Variants in FOCAD observed in about 807,000 individuals in gnomAD.
FOCAD encodes focadhesin.
A neutral mutation model predicts 225.6 loss-of-function variants in FOCAD; 198 were observed. The observed-to-expected ratio is 0.88, with a 90% confidence interval of 0.78 to 0.99. The LOEUF (loss-of-function observed/expected upper bound fraction) is 0.99. Ranked by LOEUF, FOCAD falls within the 50% of genes least tolerant of loss-of-function variation. The probability of loss-of-function intolerance (pLI) is 0.00; values close to 1 mark genes in which losing one functional copy is unlikely to be tolerated. For synonymous variants in FOCAD, 897 were observed against 755.0 expected, an observed-to-expected ratio of 1.19 and a Z score of -3.08; for missense variants, 2,713 against 2,123.6, an observed-to-expected ratio of 1.28 and a Z score of -5.46.
At chr9:20,750,379 T>C (rs1828435909) in intron 5 of FOCAD, among the ~76,000 whole-genome samples, 2 of 152,204 alleles carry the variant, frequency 1.3e-5, no homozygotes, top group East Asian at 3.8e-4. Context: ...ATCATAATTG[T>C]ACCCACTTAT....
intron 28 of FOCAD, among the ~76,000 whole-genome samples, chr9:20,943,327 G>A (rs749818397): frequency 2.0e-5 from 3 of 152,170 alleles, no homozygotes; most frequent in South Asian, 2.1e-4. Context: ...ATGGCTGATC[G>A]TTATGCAACA....
At chr9:20,659,259 T>C (rs115173970) in intron 2 of FOCAD, among the ~76,000 whole-genome samples, 1,472 of 122,536 alleles carry the variant, frequency 0.012, 34 homozygotes, top group African/African-American at 0.044. Flanking sequence ...AAAAGAAAGT[T>C]AGCCTGGCAT....
At chr9:20,789,759 T>C in intron 11 of FOCAD, 151 bp downstream of exon 11, 1 of 939,784 alleles carries the variant, frequency 1.1e-6, no homozygotes, top group East Asian at 2.6e-5. Flanking sequence ...CTTCCATTTT[T>C]TTCTTCTTTT....
Position 20,986,578 on chromosome 9 carries a change from G to C in FOCAD, c.4906+113G>C, listed in dbSNP as rs950991761. 2.7e-5 allele frequency: 25 copies of C among 937,558 alleles called. No homozygotes were observed. The African/African-American group carries it at 3.9e-4, about 15-fold the overall frequency. 58.1% of individuals were successfully genotyped at this position (937,558 alleles called of 1,614,324 possible). On this transcript the variant is annotated intron_variant, in intron 40 of 43. Coordinates refer to ENST00000338382, the MANE Select transcript of FOCAD (RefSeq NM_001375567.1). ...ATTAGTTTAGTGCTTATTGACACAG[G>C]TTAGGCCTTCTGGTGCCAAATGAGG... is the stretch of plus-strand genomic sequence containing the variant.
chr9:20,850,880 G>A (rs568000979), intron 15 of FOCAD, among the ~76,000 whole-genome samples: 1 of 148,538 alleles, frequency 6.7e-6, no homozygotes, highest in South Asian at 2.2e-4. Flanking sequence ...TTAACACAAG[G>A]TTTTGTAATG....
At chr9:20,765,107 CA>C in intron 7 of FOCAD, 34 bp downstream of exon 7, 1 of 1,564,190 alleles carries the variant, frequency 6.4e-7, no homozygotes, top group South Asian at 1.2e-5. Flanking sequence ...AAATATAGGT[CA>C]GCATCAGTAA....
chr9:20,799,554 A>AG (rs1240597236), intron 11 of FOCAD, among the ~76,000 whole-genome samples: 27 of 152,218 alleles, frequency 1.8e-4, no homozygotes, highest in African/African-American at 6.5e-4. Context: ...ATATATATTT[A>AG]GGATAGTCAG....
At chr9:20,909,368 C>T (rs1024711381) in intron 22 of FOCAD, among the ~76,000 whole-genome samples, 2 of 152,042 alleles carry the variant, frequency 1.3e-5, no homozygotes, top group Non-Finnish European at 2.9e-5. Flanking sequence ...AGGAACTTAA[C>T]CTGACTCCAG....
chr9:20,966,197 A>G (rs1463650311), intron 35 of FOCAD, among the ~76,000 whole-genome samples: 2 of 151,996 alleles, frequency 1.3e-5, no homozygotes, highest in Non-Finnish European at 2.9e-5. Flanking sequence ...GCCAACACTT[A>G]TTTTCCATTA....
rs1433936640 is a variant in FOCAD at position 20,720,331 on chromosome 9, G to A, written c.133-49G>A. 5.7e-6 allele frequency: 9 copies of A among 1,582,606 alleles called. 1 individual carries two copies. Among genetic ancestry groups the A allele is most frequent in the East Asian group, 2.2e-5 (1 of 44,618 alleles). ...TGAATGACCAAAGGTGTGTGTGTGT[G>A]TGTTTGCTGCTCATCAGAATTGTCT... On this transcript the variant is annotated intron_variant, in intron 3 of 43. Coordinates refer to ENST00000338382, the MANE Select transcript of FOCAD (RefSeq NM_001375567.1).
chr9:20,862,492 T>A lies in FOCAD; in HGVS notation c.1921-86T>A, dbSNP rs576064224. 905 of 1,429,378 alleles carry A rather than the reference T, an allele frequency of 6.3e-4. 11 individuals are homozygous for A. The South Asian group carries it at 0.013, about 20-fold the overall frequency. The allele number at this position is 1,429,378 out of a possible 1,614,324, so 88.5% of individuals were successfully genotyped here. The stretch of plus-strand genomic sequence containing the variant: ...AGTCTTATTTGTTTCTTAAGTTTCC[T>A]TATAATAAAATATAGTACTCTTAAT... On this transcript the variant is annotated intron_variant, in intron 15 of 43. Coordinates refer to ENST00000338382, the MANE Select transcript of FOCAD (RefSeq NM_001375567.1).
chr9:20,964,966 T>A (rs926152186), intron 35 of FOCAD, among the ~76,000 whole-genome samples: 1 of 152,136 alleles, frequency 6.6e-6, no homozygotes, highest in African/African-American at 2.4e-5. Flanking sequence ...TTTGAGAAGG[T>A]GCTGATGGGA....
chr9:20,855,274 T>C (rs1002051475), intron 15 of FOCAD, among the ~76,000 whole-genome samples: 1 of 151,664 alleles, frequency 6.6e-6, no homozygotes, highest in African/African-American at 2.4e-5. Flanking sequence ...CTTATTTTTC[T>C]AACATTAAAT....
chr9:20,680,809 C>T (rs936871130), upstream of FOCAD, among the ~76,000 whole-genome samples: 1 of 152,070 alleles, frequency 6.6e-6, no homozygotes, highest in Non-Finnish European at 1.5e-5. Context: ...TCTATATATA[C>T]ATTTATTTAT....
intron 35 of FOCAD, among the ~76,000 whole-genome samples, chr9:20,964,639 G>T (rs756618332): frequency 6.6e-6 from 1 of 151,896 alleles, no homozygotes; most frequent in Non-Finnish European, 1.5e-5. Flanking sequence ...GGGTTCAAGC[G>T]ATTCTCCTGC....
intron 15 of FOCAD, among the ~76,000 whole-genome samples, chr9:20,825,519 A>G (rs1037996001): frequency 2.6e-5 from 4 of 152,152 alleles, no homozygotes; most frequent in Non-Finnish European, 5.9e-5. Flanking sequence ...TTAGGTATAT[A>G]GAAAGACAGC....
intron 19 of FOCAD, among the ~76,000 whole-genome samples, chr9:20,877,129 A>G (rs1830291049): frequency 8.0e-6 from 1 of 124,684 alleles, no homozygotes; most frequent in Admixed American, 8.6e-5. Flanking sequence ...ACTAACTTAA[A>G]CTATAGACCG....
chr9:20,893,655 A>G (rs1374786404), intron 21 of FOCAD, among the ~76,000 whole-genome samples: 1 of 152,118 alleles, frequency 6.6e-6, no homozygotes, highest in African/African-American at 2.4e-5. Flanking sequence ...GGCTAAAAGA[A>G]CTTTATTTTG....
At chr9:20,929,275 T>C in intron 26 of FOCAD, 83 bp from the exon 27 acceptor site, 2 of 1,025,228 alleles carry the variant, frequency 2.0e-6, no homozygotes, top group South Asian at 1.5e-5. Context: ...GAGAAGCTTG[T>C]GTGGTTGTAT....
Sources: gnomAD v4.1 joint callset for allele counts (sites outside exome capture counted in the v4.1 genomes callset) on GRCh38, gnomAD v4.1.1 for gene constraint, MANE v1.5 for transcripts, NCBI Gene and HGNC (gene_info 2026-07-23, HGNC 2026-07-21) for gene names.